Variants in TBC1D2B observed in about 807,000 individuals in gnomAD.
TBC1D2B encodes TBC1 domain family member 2B.
TBC1D2B carries 64 observed loss-of-function variants against 100.8 expected under a neutral mutation model. The ratio of observed to expected loss-of-function variants is 0.64; its 90% CI spans 0.52 to 0.78. The LOEUF (loss-of-function observed/expected upper bound fraction) is 0.78. Among genes scored for constraint, TBC1D2B ranks in the 30% least tolerant of loss-of-function variants. The pLI is 0.00. For synonymous variants in TBC1D2B, 480 were observed against 479.7 expected (o/e 1.00, Z -0.01); for missense variants, 1,052 against 1,218.4 (o/e 0.86, Z 2.03).
chr15:78,010,127 T>A (rs1329705593), intron 9 of TBC1D2B, among the ~76,000 whole-genome samples: 6 of 152,108 alleles, frequency 3.9e-5, no homozygotes, highest in Admixed American at 3.9e-4. Flanking sequence ...CCCAACACCA[T>A]CCTGCTTCCA....
intron 6 of TBC1D2B, among the ~76,000 whole-genome samples, chr15:78,018,439 A>C (rs1264123956): frequency 6.6e-6 from 1 of 152,198 alleles, no homozygotes; most frequent in Admixed American, 6.5e-5. Context: ...AATCACTCTT[A>C]ATAACAAATC....
At position 78,065,768 on chromosome 15, in the gene TBC1D2B, G is replaced by A. The variant is rs551333496; in HGVS notation, c.360+11525C>T. 2.6e-5 allele frequency among the ~76,000 whole-genome samples: 4 copies of A among 152,242 alleles called. No individual in the cohort carries two copies. The South Asian group carries it at 8.3e-4, about 32-fold the overall frequency. On this transcript the variant is annotated intron_variant, in intron 1 of 12. Coordinates refer to ENST00000300584, the MANE Select transcript of TBC1D2B (RefSeq NM_144572.2). ...CTAAAACTAGGGCAAAAGAATGACT[G>A]ACTTAACATGAAGTTTTAGGAAACG...
intron 9 of TBC1D2B, among the ~76,000 whole-genome samples, chr15:78,011,156 T>C (rs2072212138): frequency 6.6e-6 from 1 of 152,214 alleles, no homozygotes; most frequent in South Asian, 2.1e-4. Flanking sequence ...ATAGTCCCTT[T>C]CACCTTCTGA....
At chr15:78,003,630 C>T (rs1347403753) in intron 10 of TBC1D2B, 140 bp from the exon 11 acceptor site, 3 of 618,986 alleles carry the variant, frequency 4.8e-6, no homozygotes, top group Non-Finnish European at 8.5e-6. Context: ...CCGTGGGGCC[C>T]ATCACGGAGC....
At chr15:78,025,655 T>C (rs1243061803) in intron 4 of TBC1D2B, 158 bp from the exon 5 acceptor site, 3 of 461,214 alleles carry the variant, frequency 6.5e-6, no homozygotes, top group African/African-American at 6.1e-5. Flanking sequence ...GCCTCCCGAG[T>C]AGCTGGGACT....
intron 1 of TBC1D2B, among the ~76,000 whole-genome samples, chr15:78,065,530 C>T (rs1213523949): frequency 6.6e-6 from 1 of 152,216 alleles, no homozygotes; most frequent in Admixed American, 6.5e-5. Flanking sequence ...AGAAAGGGAG[C>T]ACGAGGCCTC....
chr15:78,047,513 T>C (rs377293621), intron 2 of TBC1D2B, among the ~76,000 whole-genome samples: 3 of 152,186 alleles, frequency 2.0e-5, no homozygotes, highest in African/African-American at 7.2e-5. Flanking sequence ...GGGGGACTTC[T>C]AGAGGGAAAA....
chr15:78,030,983 A>G (rs576573752), intron 3 of TBC1D2B, among the ~76,000 whole-genome samples: 3 of 152,216 alleles, frequency 2.0e-5, no homozygotes, highest in Non-Finnish European at 4.4e-5. Context: ...TGAACAAAAC[A>G]CAGCAAGATT....
chr15:78,003,600 G>A, intron 10 of TBC1D2B, 110 bp from the exon 11 acceptor site: 1 of 756,618 alleles, frequency 1.3e-6, no homozygotes, highest in Non-Finnish European at 2.2e-6. Context: ...AGTGACAGCA[G>A]CACAACTGTT....
chr15:78,012,212 G>A (rs1191961445), intron 9 of TBC1D2B, among the ~76,000 whole-genome samples: 1 of 152,226 alleles, frequency 6.6e-6, no homozygotes, highest in Non-Finnish European at 1.5e-5. Context: ...GTGACAGGAA[G>A]AGCTTTGTGG....
At chr15:78,002,598 A>G (rs1004571780) in intron 11 of TBC1D2B, 3 of 152,008 alleles carry the variant, frequency 2.0e-5, no homozygotes, top group Non-Finnish European at 2.9e-5. Context: ...CCCATATCTA[A>G]GGGCCTGTAC....
At chr15:78,037,055 A>C (rs975009881) in intron 3 of TBC1D2B, among the ~76,000 whole-genome samples, 1 of 152,174 alleles carries the variant, frequency 6.6e-6, no homozygotes, top group Non-Finnish European at 1.5e-5. Context: ...CCTAATAAAC[A>C]TGCACAGCCT....
intron 1 of TBC1D2B, among the ~76,000 whole-genome samples, chr15:78,055,003 G>A (rs1304842952): frequency 6.6e-6 from 1 of 152,102 alleles, no homozygotes; most frequent in East Asian, 1.9e-4. Context: ...ATAAAAAGGA[G>A]CACACTATTG....
chr15:78,050,756 G>C (rs2073296961), intron 2 of TBC1D2B, among the ~76,000 whole-genome samples: 1 of 152,188 alleles, frequency 6.6e-6, no homozygotes, highest in African/African-American at 2.4e-5. Flanking sequence ...TAATAAAGCT[G>C]CAAGTTCCAA....
chr15:78,034,400 G>T (rs890951531), intron 3 of TBC1D2B: 18 of 740,932 alleles, frequency 2.4e-5, no homozygotes, highest in Non-Finnish European at 3.0e-5. Context: ...CTACAGCAAG[G>T]ATCTCACAGG....
chr15:78,001,809 G>A, intron 11 of TBC1D2B, 69 bp from the exon 12 acceptor site: 1 of 1,508,742 alleles, frequency 6.6e-7, no homozygotes, highest in Non-Finnish European at 8.9e-7. Flanking sequence ...CTGGACTCCA[G>A]GGGGGTGCTG....
intron 3 of TBC1D2B, among the ~76,000 whole-genome samples, chr15:78,039,729 C>T (rs1243597798): frequency 2.0e-5 from 3 of 149,826 alleles, no homozygotes; most frequent in Non-Finnish European, 4.4e-5. Context: ...CTCACTCCCA[C>T]CCATCCAGTA....
chr15:78,068,963 C>CCT (rs944219947), intron 1 of TBC1D2B, among the ~76,000 whole-genome samples: 3 of 151,696 alleles, frequency 2.0e-5, no homozygotes, highest in African/African-American at 7.3e-5. Context: ...AATGAAAATG[C>CCT]CTCTCCCTCT....
intron 3 of TBC1D2B, among the ~76,000 whole-genome samples, chr15:78,041,006 A>G (rs1236836480): frequency 1.3e-5 from 2 of 152,186 alleles, no homozygotes; most frequent in African/African-American, 4.8e-5. Flanking sequence ...ATCCATTAAG[A>G]CATCAGCTAA....
Sources: allele counts gnomAD v4.1 joint callset (sites outside exome capture counted in the v4.1 genomes callset), GRCh38; gene constraint gnomAD v4.1.1; transcripts MANE v1.5; gene names NCBI Gene and HGNC (gene_info 2026-07-23, HGNC 2026-07-21).